Variants in MRC1 observed in about 807,000 individuals in gnomAD.
MRC1 encodes macrophage mannose receptor 1.
A neutral mutation model predicts 102.9 loss-of-function variants in MRC1; 62 were observed. The observed-to-expected ratio is 0.60, with a 90% CI of 0.49 to 0.74. MRC1 has a LOEUF of 0.74. Ranked by LOEUF, MRC1 falls within the 30% of genes least tolerant of loss-of-function variation. MRC1 has a pLI of 0.00. For synonymous variants in MRC1, 457 were observed against 298.4 expected, an observed-to-expected ratio of 1.53 and a Z score of -5.48; for missense variants, 1,237 against 862.8, an observed-to-expected ratio of 1.43 and a Z score of -5.43.
intron 17 of MRC1, among the ~76,000 whole-genome samples, chr10:17,877,457 C>CAT (rs1483037981): frequency 6.7e-6 from 1 of 150,214 alleles, no homozygotes; most frequent in Admixed American, 6.6e-5. Flanking sequence ...GACTATTTTT[C>CAT]ATATATATAT....
chr10:17,878,993 C>G (rs1833475619), intron 18 of MRC1, among the ~76,000 whole-genome samples: 1 of 152,090 alleles, frequency 6.6e-6, no homozygotes, highest in Non-Finnish European at 1.5e-5. Flanking sequence ...AAGTTTAGCC[C>G]ACCTACATTA....
chr10:17,885,983 C>T (rs992125062), intron 22 of MRC1, among the ~76,000 whole-genome samples: 1 of 152,134 alleles, frequency 6.6e-6, no homozygotes, highest in Non-Finnish European at 1.5e-5. Flanking sequence ...TTATCAACAT[C>T]AACACCATGT....
intron 1 of MRC1, among the ~76,000 whole-genome samples, chr10:17,818,297 CTAAT>C (rs1470063040): frequency 1.3e-5 from 2 of 152,168 alleles, no homozygotes; most frequent in African/African-American, 4.8e-5. Context: ...ATTCATTCAA[CTAAT>C]TATTTGTTGA....
chr10:17,891,228 G>A (rs1833669918), intron 22 of MRC1, among the ~76,000 whole-genome samples: 2 of 150,874 alleles, frequency 1.3e-5, no homozygotes, highest in South Asian at 2.1e-4. Context: ...GTGCAGTGGC[G>A]CGATCTCGGC....
In MRC1 at chr10:17,905,087, C is replaced by G. The variant is rs1175281945; in HGVS notation, c.3800-1799C>G. On this transcript the variant is annotated intron_variant, in intron 26 of 29. Coordinates refer to ENST00000569591, the MANE Select transcript of MRC1 (RefSeq NM_002438.4). ...TTTGCGAGTGGGGTTTTCTAGGGAA[C>G]TGTAAGACAGGTCAAGTAATGGAGA... is the stretch of plus-strand genomic sequence containing the variant. 7.9e-5 allele frequency among the ~76,000 whole-genome samples: 12 copies of G among 152,236 alleles called. No individual in the cohort carries two copies. The South Asian group carries it at 2.5e-3, about 32-fold the overall frequency.
chr10:17,828,489 GA>G (rs1474058236), intron 3 of MRC1, among the ~76,000 whole-genome samples: 5 of 151,362 alleles, frequency 3.3e-5, no homozygotes, highest in African/African-American at 1.2e-4. Flanking sequence ...CCTCATCTCT[GA>G]AATGCCTTAC....
At chr10:17,851,089 T>C (rs1223769745) in intron 7 of MRC1, among the ~76,000 whole-genome samples, 1 of 152,196 alleles carries the variant, frequency 6.6e-6, no homozygotes, top group Non-Finnish European at 1.5e-5. Context: ...TTGCAAATGA[T>C]TTAGCAGAAA....
chr10:17,845,264 CT>C (rs1838808809), intron 5 of MRC1, 24 bp from the exon 6 acceptor site: 1 of 780,676 alleles, frequency 1.3e-6, no homozygotes, highest in Non-Finnish European at 2.4e-6. Context: ...TAATAGTCCA[CT>C]TTAACTTTTC....
rs1050116413 is a variant in MRC1, at chr10:17,872,251, A to G, written c.2344+125A>G. ...CAAAATCAGGAAACTGTCAGTGGCC[A>G]TCATTGCATAGGATAAGCATGAAGT... On this transcript the variant is annotated intron_variant, in intron 15 of 29. Transcript: ENST00000569591. 3.5e-5 allele frequency: 27 copies of G among 769,554 alleles called. No homozygotes were observed. In the African/African-American group the frequency reaches 3.7e-4, roughly 11 times the overall value. The allele number at this position is 769,554 out of a possible 1,614,324, so 47.7% of individuals were successfully genotyped here.
chr10:17,874,463 C>G (rs1276870551), intron 16 of MRC1, among the ~76,000 whole-genome samples: 1 of 152,180 alleles, frequency 6.6e-6, no homozygotes, highest in Non-Finnish European at 1.5e-5. Flanking sequence ...AGATAACCCT[C>G]CTATCTCAAG....
chr10:17,857,274 CAG>C (rs1198549644), intron 9 of MRC1, among the ~76,000 whole-genome samples: 7 of 152,282 alleles, frequency 4.6e-5, no homozygotes, highest in African/African-American at 1.7e-4. Context: ...CTGATAGAAA[CAG>C]AGGCAAGGGT....
intron 22 of MRC1, among the ~76,000 whole-genome samples, chr10:17,887,547 G>A (rs1225701670): frequency 1.3e-5 from 2 of 152,194 alleles, no homozygotes; most frequent in African/African-American, 4.8e-5. Context: ...CATTAGCTTA[G>A]ATTTAATGGA....
At chr10:17,883,636 T>C (rs692409) in intron 21 of MRC1, among the ~76,000 whole-genome samples, 111,521 of 152,194 alleles carry the variant, frequency 0.73, 41,479 homozygotes, top group African/African-American at 0.86. Flanking sequence ...CTGCAGATTT[T>C]TATTTTGCAT....
intron 28 of MRC1, among the ~76,000 whole-genome samples, chr10:17,908,512 A>G (rs1833926110): frequency 6.6e-6 from 1 of 151,690 alleles, no homozygotes; most frequent in African/African-American, 2.4e-5. Flanking sequence ...AGGCTTCTCT[A>G]ACTGTTCTAA....
chr10:17,826,875 G>T (rs1279580630), intron 2 of MRC1, among the ~76,000 whole-genome samples: 3 of 152,344 alleles, frequency 2.0e-5, no homozygotes, highest in Non-Finnish European at 2.9e-5. Flanking sequence ...AGGGATTAGA[G>T]AACAATGCCA....
intron 29 of MRC1, among the ~76,000 whole-genome samples, chr10:17,909,840 A>C (rs924830336): frequency 0.051 from 7,693 of 151,846 alleles, 431 homozygotes; most frequent in East Asian, 0.22. Context: ...CGTTTCCACT[A>C]TTCTTATTTT....
In MRC1 at chr10:17,879,672, T is replaced by A; in HGVS notation, c.2619-49T>A. 3 of 780,818 alleles carry A rather than the reference T, an allele frequency of 3.8e-6. No individual in the cohort carries two copies. The East Asian group carries it at 7.3e-5, about 19-fold the overall frequency. 48.4% of individuals were successfully genotyped at this position (780,818 alleles called of 1,614,324 possible). ...GCCACTGCTCCTGGCCTGTATCCAA[T>A]TAGTCTAATGATTGGATCGTTTCAA... On this transcript the variant is annotated intron_variant, in intron 18 of 29. Transcript: ENST00000569591.
At chr10:17,885,489 A>G (rs1833579789) in intron 22 of MRC1, 54 bp downstream of exon 22, 1 of 773,742 alleles carries the variant, frequency 1.3e-6, no homozygotes, top group Admixed American at 1.7e-5. Flanking sequence ...GCACAGGGTT[A>G]TCATCTTATT....
chr10:17,809,639 G>A (rs959362938), intron 1 of MRC1, 113 bp downstream of exon 1: 16 of 808,434 alleles, frequency 2.0e-5, no homozygotes, highest in African/African-American at 1.8e-4. Context: ...GAGGAAACGG[G>A]GTTCCCCTGC....
Sources: gnomAD v4.1 joint callset for allele counts (sites outside exome capture counted in the v4.1 genomes callset) on GRCh38, gnomAD v4.1.1 for gene constraint, MANE v1.5 for transcripts, NCBI Gene and HGNC (gene_info 2026-07-23, HGNC 2026-07-21) for gene names.